The following DNAH7 variants were observed in gnomAD, a reference collection of about 807,000 sequenced individuals.
The protein encoded by DNAH7 is dynein axonemal heavy chain 7.
Under a neutral mutation model 444.6 loss-of-function variants are expected in DNAH7, and 397 were observed. The observed-to-expected ratio is 0.89, with a 90% CI of 0.82 to 0.97. The LOEUF is 0.97. Ranked by LOEUF, DNAH7 falls within the 50% of genes least tolerant of loss-of-function variation. The pLI is 0.00. For synonymous variants in DNAH7, 1,636 were observed against 1,624.4 expected (o/e 1.01, Z -0.17); for missense variants, 4,902 against 4,800.8 (o/e 1.02, Z -0.62).
rs563306139 is a variant in DNAH7, at chr2:195,900,467, C to T, written c.4363G>A (p.Val1455Ile). Residue 1455 changes from valine (V) to isoleucine (I), a missense_variant, in exon 28 of 65, where the codon GTA becomes ATA. Physicochemically the swap from Val to Ile is conservative, Grantham distance 29 (BLOSUM62 3). Transcript: ENST00000312428. ...KALFRTVAMM[V>I]PDYAMIAEIV... ...TCAGCAATCATGGCATAGTCAGGTA[C>T]CATCATTGCTACTGTCCGAAAGAGA... 2.1e-5 allele frequency: 34 copies of T among 1,613,858 alleles called. No homozygotes were observed. In the South Asian group the frequency reaches 3.2e-4, roughly 15 times the overall value.
At chr2:195,857,278 G>C in intron 44 of DNAH7, 99 bp downstream of exon 44, 1 of 1,048,506 alleles carries the variant, frequency 9.5e-7, no homozygotes, top group Non-Finnish European at 1.3e-6. Flanking sequence ...GATTTTCCAA[G>C]GAGCCTCTCA....
At chr2:195,954,134 G>A (rs182675008) in intron 19 of DNAH7, among the ~76,000 whole-genome samples, 7 of 152,090 alleles carry the variant, frequency 4.6e-5, no homozygotes, top group Middle Eastern at 3.4e-3. Flanking sequence ...CCATTAACTC[G>A]TCATTTAACA....
Position 195,876,716 on chromosome 2 carries a change from T to G in DNAH7, c.5962-17A>C. ...AAGAAAATTCTATATAACAAAATAA[T>G]AAAATGAGCCATAGTTGGAATTATG... On this transcript the variant is annotated splice_polypyrimidine_tract_variant and intron_variant, in intron 36 of 64. Transcript: ENST00000312428. The G allele has an allele frequency of 6.7e-7, 1 of 1,490,300 alleles. No homozygotes were observed. Among genetic ancestry groups the G allele is most frequent in the South Asian group, 1.2e-5 (1 of 84,094 alleles). The allele number at this position is 1,490,300 out of a possible 1,614,324, so 92.3% of individuals were successfully genotyped here.
At chr2:195,940,643 A>C (rs1340870993) in intron 19 of DNAH7, among the ~76,000 whole-genome samples, 9 of 152,174 alleles carry the variant, frequency 5.9e-5, no homozygotes, top group Non-Finnish European at 1.0e-4. Flanking sequence ...CAAAGGGCTA[A>C]TATCCAGAAT....
In DNAH7 at chr2:195,906,541, A is replaced by AC; in HGVS notation, c.4335+117dup. 5.8e-6 allele frequency: 5 copies of AC among 864,416 alleles called. No individual in the cohort carries two copies. In the South Asian group the frequency reaches 1.3e-4, roughly 22 times the overall value. 53.5% of individuals were successfully genotyped at this position (864,416 alleles called of 1,614,324 possible). A position where few individuals can be genotyped will look rare whatever the true frequency, so the allele number is the denominator to read the frequency against. Reference sequence around the variant, plus strand: ...CCTGAGTTCAAGTGATCCTCCCACCACCTCAGCCTCCTAAAGTGCTAGGAT... The same window carrying AC: ...CCTGAGTTCAAGTGATCCTCCCACCACCCTCAGCCTCCTAAAGTGCTAGGAT... On this transcript the variant is annotated intron_variant, in intron 27 of 64. Transcript: ENST00000312428.
intron 24 of DNAH7, among the ~76,000 whole-genome samples, chr2:195,918,801 T>C (rs1421481423): frequency 6.6e-6 from 1 of 152,234 alleles, no homozygotes; most frequent in Non-Finnish European, 1.5e-5. Flanking sequence ...AGTAAAATTA[T>C]TCTTTAGTAG....
intron 57 of DNAH7, among the ~76,000 whole-genome samples, chr2:195,790,056 G>C (rs906621068): frequency 6.6e-6 from 1 of 151,966 alleles, no homozygotes; most frequent in Admixed American, 6.6e-5. Flanking sequence ...CCAAATCAAG[G>C]ACACAATCCC....
intron 32 of DNAH7, among the ~76,000 whole-genome samples, 179 bp from the exon 33 acceptor site, chr2:195,888,613 A>G (rs943304015): frequency 6.6e-6 from 1 of 151,996 alleles, no homozygotes; most frequent in African/African-American, 2.4e-5. Flanking sequence ...AAACCAAGAG[A>G]AAAACATCCT....
chr2:195,852,465 C>G (rs1447170265), intron 46 of DNAH7, among the ~76,000 whole-genome samples: 1 of 152,118 alleles, frequency 6.6e-6, no homozygotes, highest in Admixed American at 6.6e-5. Flanking sequence ...CTGAATTCCT[C>G]CCTTCTTTTA....
At position 195,776,066 on chromosome 2, in the gene DNAH7, A is replaced by G. The variant is rs549163742; in HGVS notation, c.11065-83T>C. The G allele has an allele frequency of 2.8e-5, 43 of 1,528,022 alleles. 1 individual carries two copies. In the South Asian group the frequency reaches 5.2e-4, roughly 18 times the overall value. The allele number at this position is 1,528,022 out of a possible 1,614,324, so 94.7% of individuals were successfully genotyped here. On this transcript the variant is annotated intron_variant, in intron 59 of 64. Coordinates refer to ENST00000312428, the MANE Select transcript of DNAH7 (RefSeq NM_018897.3). ...TTTCACAGAAAAGAGGCAGTTTTCA[A>G]TACTCAAGTTATTGACTGGATAGGC...
intron 19 of DNAH7, among the ~76,000 whole-genome samples, chr2:195,950,871 A>AAAAAAAACAAC (rs1559262941): frequency 6.8e-6 from 1 of 147,306 alleles, no homozygotes; most frequent in African/African-American, 2.6e-5. Flanking sequence ...AAAAAAAAAA[A>AAAAAAAACAAC]AAAAAAAACC....
Position 195,738,065 on chromosome 2 carries a change from CAATGGAG to C in DNAH7, c.11924_11930del (p.Ala3975GlyfsTer21). 1 of 1,614,018 alleles carries C rather than the reference CAATGGAG, an allele frequency of 6.2e-7. No individual in the cohort carries two copies. The highest frequency in any genetic ancestry group is 2.2e-5 in the East Asian group (1 of 44,876). On this transcript the variant is annotated frameshift_variant, in exon 65 of 65. Coordinates refer to ENST00000312428, the MANE Select transcript of DNAH7 (RefSeq NM_018897.3). LOFTEE classifies it high-confidence loss of function. Reference sequence around the variant, plus strand: ...CTCCTCTCCGCTCACTTGTCTTATACAATGGAGCAACATAACTTGGCCGTTTTGGTAT... The same window carrying C: ...CTCCTCTCCGCTCACTTGTCTTATACCAACATAACTTGGCCGTTTTGGTAT...
At chr2:195,744,705 G>A (rs1184297578) in intron 63 of DNAH7, among the ~76,000 whole-genome samples, 11 of 152,256 alleles carry the variant, frequency 7.2e-5, no homozygotes, top group East Asian at 5.8e-4. Flanking sequence ...ACGAAAATCC[G>A]CTGTTCTGCA....
intron 58 of DNAH7, among the ~76,000 whole-genome samples, chr2:195,786,024 G>A (rs998088897): frequency 2.0e-5 from 3 of 152,054 alleles, no homozygotes; most frequent in African/African-American, 7.2e-5. Context: ...GCAGAATTGA[G>A]GGCTTTCTGA....
chr2:195,786,573 T>A (rs889800411), intron 58 of DNAH7, among the ~76,000 whole-genome samples: 3 of 152,008 alleles, frequency 2.0e-5, no homozygotes, highest in East Asian at 3.8e-4. Flanking sequence ...AAATAGATTT[T>A]TTTTTTTTTT....
chr2:195,880,590 G>A (rs529788548), intron 36 of DNAH7, among the ~76,000 whole-genome samples: 58 of 152,014 alleles, frequency 3.8e-4, no homozygotes, highest in African/African-American at 1.3e-3. Context: ...CCCCCGCCTC[G>A]GCCTCCCAAA....
intron 15 of DNAH7, among the ~76,000 whole-genome samples, chr2:195,981,622 A>G (rs1207685496): frequency 6.6e-6 from 1 of 152,194 alleles, no homozygotes; most frequent in Non-Finnish European, 1.5e-5. Context: ...TGACACACAG[A>G]CTATTGGAAC....
intron 61 of DNAH7, among the ~76,000 whole-genome samples, chr2:195,771,006 T>A (rs535450887): frequency 6.6e-6 from 1 of 151,912 alleles, no homozygotes; most frequent in African/African-American, 2.4e-5. Context: ...AGTTTATTTC[T>A]CAGTTTGCCT....
intron 61 of DNAH7, among the ~76,000 whole-genome samples, chr2:195,761,243 G>A (rs551698360): frequency 2.0e-5 from 3 of 151,930 alleles, no homozygotes; most frequent in Non-Finnish European, 4.4e-5. Flanking sequence ...AACTAATCAA[G>A]CAGAAGAAAC....
Sources: gnomAD v4.1 joint callset for allele counts (sites outside exome capture counted in the v4.1 genomes callset) on GRCh38, gnomAD v4.1.1 for gene constraint, MANE v1.5 for transcripts, NCBI Gene and HGNC (gene_info 2026-07-23, HGNC 2026-07-21) for gene names.